Variants in PDE4D observed in about 807,000 individuals in gnomAD.
PDE4D encodes the protein phosphodiesterase 4D, also known as 3',5'-cyclic-AMP phosphodiesterase 4D.
In PDE4D, 24 loss-of-function variants were observed where a neutral mutation model predicts 87.4. That is an observed-to-expected ratio of 0.27 (90% CI 0.20 to 0.39). The LOEUF is 0.39. Among genes scored for constraint, PDE4D ranks in the 10% least tolerant of loss-of-function variants. The pLI is 1.00. For synonymous variants in PDE4D, 384 were observed against 383.2 expected, an observed-to-expected ratio of 1.00 and a Z score of -0.02; for missense variants, 714 against 1,041.0, an observed-to-expected ratio of 0.69 and a Z score of 4.32.
At chr5:59,189,049 C>A (rs1320452818) in intron 3 of PDE4D, among the ~76,000 whole-genome samples, 13 of 152,152 alleles carry the variant, frequency 8.5e-5, no homozygotes, top group Admixed American at 5.9e-4. Context: ...GCCACAAGAT[C>A]GTTGCTGCTG....
At chr5:60,212,646 GGAGA>G (rs562686335) in intron 1 of PDE4D, among the ~76,000 whole-genome samples, 450 of 152,258 alleles carry the variant, frequency 3.0e-3, no homozygotes, top group Non-Finnish European at 4.6e-3. Flanking sequence ...AGCAAAAGAG[GGAGA>G]GAGAAAGGTT....
chr5:59,061,510 T>G (rs757168764), intron 5 of PDE4D, among the ~76,000 whole-genome samples: 11 of 152,120 alleles, frequency 7.2e-5, no homozygotes, highest in Admixed American at 2.6e-4. Flanking sequence ...CACCTCTATG[T>G]GTACATTGTC....
chr5:59,111,859 C>A (rs988473083), intron 5 of PDE4D, among the ~76,000 whole-genome samples: 1 of 152,192 alleles, frequency 6.6e-6, no homozygotes, highest in Non-Finnish European at 1.5e-5. Context: ...ATGTACTGAG[C>A]AACCTAGCAT....
intron 3 of PDE4D, among the ~76,000 whole-genome samples, chr5:59,928,507 G>A (rs190387319): frequency 2.2e-4 from 33 of 152,184 alleles, no homozygotes; most frequent in Admixed American, 6.5e-4. Flanking sequence ...GAACCCAGGC[G>A]GTGGAGGTCG....
chr5:60,031,705 G>A (rs1176443337), intron 2 of PDE4D, among the ~76,000 whole-genome samples: 1 of 151,922 alleles, frequency 6.6e-6, no homozygotes, highest in East Asian at 1.9e-4. Flanking sequence ...TTTATGATAA[G>A]AATATTTAAC....
chr5:60,444,912 G>GAA (rs34069629), intron 1 of PDE4D, among the ~76,000 whole-genome samples: 38 of 138,196 alleles, frequency 2.7e-4, no homozygotes, highest in Non-Finnish European at 4.5e-4. Flanking sequence ...CCTCTACTCA[G>GAA]AAAAAAAAAA....
intron 1 of PDE4D, among the ~76,000 whole-genome samples, chr5:60,322,365 C>T (rs943295243): frequency 1.3e-4 from 13 of 101,480 alleles, no homozygotes; most frequent in African/African-American, 6.1e-4. Context: ...TATGGACACA[C>T]ATACACACAC....
chr5:59,103,516 G>A (rs1771104065), intron 5 of PDE4D, among the ~76,000 whole-genome samples: 1 of 152,042 alleles, frequency 6.6e-6, no homozygotes, highest in African/African-American at 2.4e-5. Flanking sequence ...TTGACAATAG[G>A]GAGCCCACAT....
chr5:60,388,799 T>C (rs1050172436), intron 1 of PDE4D, among the ~76,000 whole-genome samples: 1 of 152,166 alleles, frequency 6.6e-6, no homozygotes, highest in Non-Finnish European at 1.5e-5. Flanking sequence ...ACAAGGATTA[T>C]GGGAGCTAGA....
At chr5:60,142,303 C>T (rs1037800552) in intron 2 of PDE4D, among the ~76,000 whole-genome samples, 6 of 152,158 alleles carry the variant, frequency 3.9e-5, no homozygotes, top group Admixed American at 6.6e-5. Context: ...TTGTCTACTG[C>T]GCACTATGCT....
chr5:59,191,743 G>A (rs1438869482), intron 3 of PDE4D, among the ~76,000 whole-genome samples: 2 of 151,864 alleles, frequency 1.3e-5, no homozygotes, highest in African/African-American at 2.4e-5. Flanking sequence ...TAATTTTTTT[G>A]TATTTTTAGT....
chr5:59,488,512 T>C (rs1805574411), intron 1 of PDE4D, among the ~76,000 whole-genome samples: 1 of 152,216 alleles, frequency 6.6e-6, no homozygotes. Context: ...GTGGTTCTTT[T>C]AATAAAATTG....
chr5:59,415,066 T>C (rs746518332), intron 1 of PDE4D, among the ~76,000 whole-genome samples: 1 of 152,042 alleles, frequency 6.6e-6, no homozygotes, highest in Non-Finnish European at 1.5e-5. Flanking sequence ...GCTAATTAAA[T>C]AGGAGATCAT....
intron 1 of PDE4D, among the ~76,000 whole-genome samples, chr5:60,291,888 G>C (rs551664888): frequency 1.3e-5 from 2 of 152,162 alleles, no homozygotes; most frequent in Admixed American, 6.5e-5. Flanking sequence ...CTAATAATTT[G>C]TATGCAATAT....
intron 1 of PDE4D, among the ~76,000 whole-genome samples, chr5:60,406,359 C>T (rs146714418): frequency 6.6e-6 from 1 of 152,170 alleles, no homozygotes; most frequent in Non-Finnish European, 1.5e-5. Context: ...ATCCCAAACT[C>T]TTTCAACTGT....
intron 2 of PDE4D, among the ~76,000 whole-genome samples, chr5:60,059,863 C>T (rs1771200453): frequency 6.6e-6 from 1 of 151,990 alleles, no homozygotes; most frequent in Non-Finnish European, 1.5e-5. Context: ...AGACAAAAGA[C>T]TTCCATCATC....
At chr5:59,741,974 G>C (rs1337240753) in intron 1 of PDE4D, among the ~76,000 whole-genome samples, 1 of 152,082 alleles carries the variant, frequency 6.6e-6, no homozygotes, top group Non-Finnish European at 1.5e-5. Flanking sequence ...GTTGAGAATG[G>C]TTTGCACCAG....
At chr5:59,342,905 T>A (rs1169238494) in intron 1 of PDE4D, among the ~76,000 whole-genome samples, 2 of 152,108 alleles carry the variant, frequency 1.3e-5, no homozygotes, top group African/African-American at 4.8e-5. Flanking sequence ...CTAATTAACA[T>A]ATGCATTAAC....
At position 60,200,772 on chromosome 5, in the gene PDE4D, A is replaced by G. The variant is rs143660733; in HGVS notation, c.-89-15085T>C. ...TTCTGTAAGACAGTACACAAGATCC[A>G]TATTATTCATGAGTTTACACACTCT... On this transcript the variant is annotated intron_variant, in intron 1 of 16. Transcript: ENST00000502484. Among the ~76,000 whole-genome samples, 726 of 152,328 alleles carry G rather than the reference A, an allele frequency of 4.8e-3. 3 individuals carry two copies. Among genetic ancestry groups the G allele is most frequent in the Middle Eastern group, 0.01 (3 of 294 alleles).
Sources: gnomAD v4.1 joint callset for allele counts (sites outside exome capture counted in the v4.1 genomes callset) on GRCh38, gnomAD v4.1.1 for gene constraint, MANE v1.5 for transcripts, NCBI Gene and HGNC (gene_info 2026-07-23, HGNC 2026-07-21) for gene names.